Variants in C4orf50 observed in about 807,000 individuals in gnomAD.
C4orf50 encodes uncharacterized protein C4orf50.
Under a neutral mutation model 77.2 loss-of-function variants are expected in C4orf50, and 80 were observed. That is an observed-to-expected ratio of 1.04 (90% CI 0.87 to 1.25). The LOEUF is 1.25. Among genes scored for constraint, C4orf50 ranks in the 50% most tolerant of loss-of-function variants. C4orf50 has a pLI of 0.00. For missense variants in C4orf50, 1,257 were observed against 1,152.9 expected, an observed-to-expected ratio of 1.09 and a Z score of -1.31; for synonymous variants, 532 against 465.3, an observed-to-expected ratio of 1.14 and a Z score of -1.84.
chr4:5,935,882 T>G (rs1260430017), intron 7 of C4orf50, among the ~76,000 whole-genome samples: 1 of 150,696 alleles, frequency 6.6e-6, no homozygotes, highest in Non-Finnish European at 1.5e-5. Flanking sequence ...GATGTATTTG[T>G]CAGGAAGGTT....
Position 5,990,826 on chromosome 4 carries a change from T to C in C4orf50, c.1222-2A>G. The C allele has an allele frequency of 2.5e-6, 1 of 399,150 alleles. No homozygotes were observed. Among genetic ancestry groups the C allele is most frequent in the Admixed American group, 4.4e-5 (1 of 22,740 alleles). 24.7% of individuals were successfully genotyped at this position (399,150 alleles called of 1,614,324 possible). A position where few individuals can be genotyped will look rare whatever the true frequency, so the allele number is the denominator to read the frequency against. On this transcript the variant is annotated splice_acceptor_variant, in intron 27 of 33. Transcript: ENST00000531445. LOFTEE classifies it high-confidence loss of function. ...CAAGCTGGGCTCTGCCAGAGTAAGCTACAAATGGAGAGAGAAGATGAGGTG... is the reference window on the plus strand; with the variant it reads ...CAAGCTGGGCTCTGCCAGAGTAAGCCACAAATGGAGAGAGAAGATGAGGTG...
chr4:5,968,221 T>C (rs1719697522), intron 31 of C4orf50, among the ~76,000 whole-genome samples: 1 of 152,216 alleles, frequency 6.6e-6, no homozygotes, highest in African/African-American at 2.4e-5. Flanking sequence ...TCTACGTAGA[T>C]GTCAAGGCCC....
At chr4:5,983,074 A>G (rs1055586697) in intron 28 of C4orf50, among the ~76,000 whole-genome samples, 2 of 152,178 alleles carry the variant, frequency 1.3e-5, no homozygotes, top group African/African-American at 2.4e-5. Context: ...CTTCTGCTCT[A>G]TCACCAAGTC....
chr4:5,913,017 C>T (rs766759315), intron 7 of C4orf50, among the ~76,000 whole-genome samples: 67 of 152,316 alleles, frequency 4.4e-4, no homozygotes, highest in South Asian at 8.3e-4. Context: ...TAGAAATTAG[C>T]CAGCCCTGGC....
chr4:5,994,099 G>A (rs1721443767), intron 26 of C4orf50, among the ~76,000 whole-genome samples: 1 of 152,184 alleles, frequency 6.6e-6, no homozygotes, highest in African/African-American at 2.4e-5. Context: ...GGCCAAGGGT[G>A]TGAGCCTGTG....
In C4orf50 at chr4:6,015,657, C is replaced by T. The variant is rs1221880269; in HGVS notation, c.287+2488G>A. On this transcript the variant is annotated intron_variant, in intron 23 of 33. Coordinates refer to ENST00000531445, the Ensembl canonical transcript of C4orf50. This position sits in a 1 kb window ranked among gnomAD's most constrained non-coding sequence, Gnocchi z 4.4. Reference sequence around the variant, plus strand: ...CACCACAAGCTTGGCGGCCAGAAGTCGGAATCAGTCTTCCTGAGCTAGTCG... The same window carrying T: ...CACCACAAGCTTGGCGGCCAGAAGTTGGAATCAGTCTTCCTGAGCTAGTCG... 2.6e-5 allele frequency among the ~76,000 whole-genome samples: 4 copies of T among 152,112 alleles called. No individual in the cohort carries two copies. The highest frequency in any genetic ancestry group is 4.4e-5 in the Non-Finnish European group (3 of 68,016).
intron 23 of C4orf50, among the ~76,000 whole-genome samples, chr4:6,016,612 C>T (rs916889434): frequency 1.3e-5 from 2 of 152,098 alleles, no homozygotes; most frequent in Non-Finnish European, 2.9e-5. Context: ...CACTTAGTCA[C>T]AGTTTCCAAG....
intron 25 of C4orf50, among the ~76,000 whole-genome samples, chr4:5,999,462 G>T (rs1267374957): frequency 1.3e-5 from 2 of 152,198 alleles, no homozygotes; most frequent in Non-Finnish European, 2.9e-5. Flanking sequence ...TTTTCTATCT[G>T]TGGTACACAT....
chr4:5,998,295 C>G lies in C4orf50; in HGVS notation c.964-3819G>C, dbSNP rs562582259. Among the ~76,000 whole-genome samples, 79 of 152,242 alleles carry G rather than the reference C, an allele frequency of 5.2e-4. 2 individuals carry two copies. In the South Asian group the frequency reaches 0.016, roughly 31 times the overall value. On this transcript the variant is annotated intron_variant, in intron 25 of 33. Transcript: ENST00000531445. Reference sequence around the variant, plus strand: ...ATATTTTTTTATTAAGACCACTGGCCATTTTGTACTTCCTTTTACATTATT... The same window carrying G: ...ATATTTTTTTATTAAGACCACTGGCGATTTTGTACTTCCTTTTACATTATT...
chr4:5,984,275 C>T (rs1223530233), intron 28 of C4orf50, among the ~76,000 whole-genome samples: 2 of 152,100 alleles, frequency 1.3e-5, no homozygotes, highest in Non-Finnish European at 2.9e-5. Flanking sequence ...ACACAATGTC[C>T]AACATAAAAG....
chr4:5,906,166 G>A (rs1390636108), intron 7 of C4orf50, among the ~76,000 whole-genome samples: 4 of 151,862 alleles, frequency 2.6e-5, no homozygotes, highest in Non-Finnish European at 4.4e-5. Flanking sequence ...AGCAAAGAGT[G>A]ATGTGGCAGG....
chr4:5,944,270 C>A (rs6822221), intron 7 of C4orf50, among the ~76,000 whole-genome samples: 35,475 of 152,064 alleles, frequency 0.23, 5,189 homozygotes, highest in Admixed American at 0.37. Context: ...CCTCCCTCAG[C>A]CCCTCCATGA....
intron 7 of C4orf50, among the ~76,000 whole-genome samples, chr4:5,947,585 C>T (rs1718536979): frequency 6.6e-6 from 1 of 152,178 alleles, no homozygotes; most frequent in Non-Finnish European, 1.5e-5. Context: ...TAGGGAGCCC[C>T]TTCAAATCAC....
At chr4:5,959,882 T>C (rs929074567) in intron 33 of C4orf50, among the ~76,000 whole-genome samples, 4 of 152,220 alleles carry the variant, frequency 2.6e-5, no homozygotes, top group African/African-American at 7.2e-5. Flanking sequence ...CTCCACGTCA[T>C]GTGGCAGGTG....
intron 28 of C4orf50, among the ~76,000 whole-genome samples, chr4:5,981,884 A>G (rs1158886784): frequency 6.6e-6 from 1 of 152,024 alleles, no homozygotes; most frequent in African/African-American, 2.4e-5. Context: ...GGGAATTGTA[A>G]GGCCCCCAAA....
chr4:5,925,400 C>G (rs989928301), intron 7 of C4orf50, among the ~76,000 whole-genome samples: 1 of 152,198 alleles, frequency 6.6e-6, no homozygotes, highest in African/African-American at 2.4e-5. Context: ...TGTGTGGGAA[C>G]TGGTGACCGT....
At chr4:5,952,699 C>T (rs1360665755), downstream of C4orf50, among the ~76,000 whole-genome samples, 1 of 152,188 alleles carries the variant, frequency 6.6e-6, no homozygotes, top group African/African-American at 2.4e-5. This position sits in a 1 kb window ranked among gnomAD's most constrained non-coding sequence, Gnocchi z 4.4. Flanking sequence ...CCTTTGAGGA[C>T]TCAGTCGTTC....
intron 33 of C4orf50, among the ~76,000 whole-genome samples, chr4:5,964,725 G>A (rs189715983): frequency 8.0e-5 from 11 of 137,604 alleles, no homozygotes; most frequent in Admixed American, 3.8e-4. Flanking sequence ...CCGAGATCGC[G>A]CCACTGCACT....
intron 7 of C4orf50, among the ~76,000 whole-genome samples, chr4:5,910,120 T>C (rs182028465): frequency 1.2e-3 from 187 of 152,304 alleles, no homozygotes; most frequent in African/African-American, 4.3e-3. Flanking sequence ...GCAATATTAA[T>C]GGAGCTGAGA....
Sources: gnomAD v4.1 joint callset for allele counts (sites outside exome capture counted in the v4.1 genomes callset) on GRCh38, gnomAD v4.1.1 for gene constraint, Gnocchi (gnomAD v3.1) non-coding constraint, MANE v1.5 for transcripts, NCBI Gene and HGNC (gene_info 2026-07-23, HGNC 2026-07-21) for gene names.